MTOR: variants seen among roughly 807,000 people sequenced by gnomAD.
MTOR encodes the protein serine/threonine-protein kinase mTOR.
MTOR carries 70 observed loss-of-function variants against 319.8 expected under a neutral mutation model. That is an observed-to-expected ratio of 0.22 (90% confidence interval 0.18 to 0.27). The LOEUF (loss-of-function observed/expected upper bound fraction) is 0.27, where lower values mean the gene tolerates loss of function less well. MTOR is among the 10% of genes least tolerant of loss of function. The pLI is 1.00. For missense variants in MTOR, 1,890 were observed against 3,274.4 expected (o/e 0.58, Z 10.32); for synonymous variants, 1,183 against 1,211.4 (o/e 0.98, Z 0.49).
chr1:11,111,530 T>C (rs1363038441), intron 54 of MTOR: 2 of 199,280 alleles, frequency 1.0e-5, no homozygotes, highest in Non-Finnish European at 2.0e-5. Flanking sequence ...TCAGGTGAAG[T>C]GATGGTTAGA....
intron 24 of MTOR, among the ~76,000 whole-genome samples, chr1:11,209,910 C>T (rs1646256348): frequency 6.6e-6 from 1 of 152,208 alleles, no homozygotes; most frequent in East Asian, 1.9e-4. Context: ...CTCTGTCTCT[C>T]AGGCTGGAGT....
intron 6 of MTOR, among the ~76,000 whole-genome samples, chr1:11,249,533 G>T (rs1485374736): frequency 6.8e-6 from 1 of 147,672 alleles, no homozygotes; most frequent in African/African-American, 2.5e-5. Context: ...GTGAACAAAG[G>T]TCTCTGGTTT....
chr1:11,231,482 G>C (rs1218439148), intron 16 of MTOR, 48 bp from the exon 17 acceptor site: 1 of 1,605,836 alleles, frequency 6.2e-7, no homozygotes. Context: ...CGAGAGAAAA[G>C]AAAGCATAGT....
chr1:11,121,109 T>C lies in MTOR; in HGVS notation c.6933+137A>G. 8.5e-7 allele frequency: 1 copy of C among 1,174,424 alleles called. No homozygotes were observed. The highest frequency in any genetic ancestry group is 2.9e-4 in the Middle Eastern group (1 of 3,434). The allele number at this position is 1,174,424 out of a possible 1,614,324, so 72.8% of individuals were successfully genotyped here. Reference sequence around the variant, plus strand: ...GTCTTGCTCACCCATTTCATTTTTGTTAGAAAAGTCTGGACACGCTCTACA... The same window carrying C: ...GTCTTGCTCACCCATTTCATTTTTGCTAGAAAAGTCTGGACACGCTCTACA... On this transcript the variant is annotated intron_variant, in intron 49 of 57. Transcript: ENST00000361445. This position sits in a 1 kb window ranked among gnomAD's most constrained non-coding sequence, Gnocchi z 4.9.
chr1:11,223,169 CTTTTTT>C (rs79432739), intron 19 of MTOR, among the ~76,000 whole-genome samples: 2 of 139,148 alleles, frequency 1.4e-5, no homozygotes, highest in Admixed American at 1.5e-4. Context: ...AAATACATGA[CTTTTTT>C]TTTTTTTTTA....
rs754423447 is a variant in MTOR, at chr1:11,114,467, A to T, written c.7165-14T>A. 6.2e-7 allele frequency: 1 copy of T among 1,614,148 alleles called. No homozygotes were observed. The highest frequency in any genetic ancestry group is 8.5e-7 in the Non-Finnish European group (1 of 1,179,988). On this transcript the variant is annotated splice_polypyrimidine_tract_variant and intron_variant, in intron 52 of 57. Coordinates refer to ENST00000361445, the MANE Select transcript of MTOR (RefSeq NM_004958.4). ...CAGGCCTGTAACCTAGAAATGGGAC[A>T]GAGCCACTCACCACAGGAGTTACTA...
intron 6 of MTOR, 146 bp from the exon 7 acceptor site, chr1:11,248,240 G>T: frequency 1.2e-6 from 1 of 862,238 alleles, no homozygotes; most frequent in Non-Finnish European, 1.8e-6. Flanking sequence ...CATGTTTAGG[G>T]TTACAATTTC....
intron 46 of MTOR, among the ~76,000 whole-genome samples, chr1:11,125,938 G>A (rs1266608981): frequency 6.6e-6 from 1 of 151,094 alleles, no homozygotes; most frequent in African/African-American, 2.4e-5. Flanking sequence ...CTACGCGGGA[G>A]GCTGAGACAG....
chr1:11,135,873 G>A (rs1340484594), intron 36 of MTOR, among the ~76,000 whole-genome samples: 3 of 148,120 alleles, frequency 2.0e-5, no homozygotes, highest in African/African-American at 5.0e-5. Flanking sequence ...GGTGGCTCAC[G>A]CCTGTAATCT....
At position 11,139,597 on chromosome 1, in the gene MTOR, C is replaced by T. The variant is rs1446739475; in HGVS notation, c.4934G>A (p.Ser1645Asn). 3 of 1,614,108 alleles carry T rather than the reference C, an allele frequency of 1.9e-6. No homozygotes were observed. The African/African-American group carries it at 4.0e-5, about 22-fold the overall frequency. Residue 1645 changes from serine to asparagine, a missense_variant, in exon 35 of 58, where the codon AGC becomes AAC. By Grantham distance (46) the Ser-to-Asn change is conservative (BLOSUM62 1). Coordinates refer to ENST00000361445, the MANE Select transcript of MTOR (RefSeq NM_004958.4). ...KILMVRSLVV[S>N]PHEDMRTWLK... is the part of the protein sequence containing the mutation. The stretch of plus-strand genomic sequence containing the variant: ...CCAGGTTCTCATGTCTTCATGAGGG[C>T]TGACCACAAGGGACCGCACCATAAG...
intron 28 of MTOR, chr1:11,192,486 T>G (rs564734096): frequency 1.2e-6 from 1 of 841,496 alleles, no homozygotes; most frequent in South Asian, 1.5e-5. Flanking sequence ...CTGGGCGCAG[T>G]GGCTCACACC....
intron 28 of MTOR, among the ~76,000 whole-genome samples, chr1:11,173,046 T>A (rs185024685): frequency 2.0e-4 from 31 of 151,322 alleles, no homozygotes; most frequent in African/African-American, 7.5e-4. Flanking sequence ...CAGGCTGGAG[T>A]GCAATGGCAC....
Position 11,129,343 on chromosome 1 carries a change from T to TGA in MTOR, c.5715-393_5715-392insTC, listed in dbSNP as rs1045246902. ...CAAATGAAGGAGGATGTGGACCTTG[T>TGA]CACCTTTACCCTCTGGGTTAACTGA... On this transcript the variant is annotated intron_variant, in intron 40 of 57. Transcript: ENST00000361445. This position sits in a 1 kb window ranked among gnomAD's most constrained non-coding sequence, Gnocchi z 4.7. 3.3e-5 allele frequency among the ~76,000 whole-genome samples: 5 copies of TGA among 152,264 alleles called. No individual in the cohort carries two copies.
chr1:11,203,396 T>C (rs1296587074), intron 26 of MTOR, among the ~76,000 whole-genome samples: 2 of 152,046 alleles, frequency 1.3e-5, no homozygotes, highest in East Asian at 3.9e-4. Context: ...AAAAAAAATT[T>C]TGGCCAAGTG....
At chr1:11,152,982 G>A (rs1320443674) in intron 30 of MTOR, among the ~76,000 whole-genome samples, 1 of 152,150 alleles carries the variant, frequency 6.6e-6, no homozygotes, top group African/African-American at 2.4e-5. Flanking sequence ...AGAGGTCAGA[G>A]GTATTTGGGA....
chr1:11,137,934 T>C (rs1475609439), intron 36 of MTOR, among the ~76,000 whole-genome samples: 3 of 152,192 alleles, frequency 2.0e-5, no homozygotes, highest in African/African-American at 7.2e-5. Flanking sequence ...TATTAAGTAG[T>C]CAGTTTTCCT....
In MTOR at chr1:11,211,013, G is replaced by A. The variant is rs1284087043; in HGVS notation, c.3562-107C>T. ...CATTATGACCATTTCTTCTGGGTTT[G>A]TGGCTAGCTCTGTGATATTCAAAAG... is the stretch of plus-strand genomic sequence containing the variant. On this transcript the variant is annotated intron_variant, in intron 23 of 57. Coordinates refer to ENST00000361445, the MANE Select transcript of MTOR (RefSeq NM_004958.4). 1.3e-5 allele frequency: 9 copies of A among 673,902 alleles called. No individual in the cohort carries two copies. The Admixed American group carries it at 2.0e-4, about 15-fold the overall frequency. The allele number at this position is 673,902 out of a possible 1,614,324, so 41.7% of individuals were successfully genotyped here.
chr1:11,164,135 G>A (rs1644562419), intron 29 of MTOR, among the ~76,000 whole-genome samples: 1 of 152,020 alleles, frequency 6.6e-6, no homozygotes, highest in African/African-American at 2.4e-5. Context: ...ACGAGGTCAG[G>A]AGATCAAGAC....
At chr1:11,157,101 A>C (rs188544407) in intron 30 of MTOR, 51 bp downstream of exon 30, 2 of 1,521,460 alleles carry the variant, frequency 1.3e-6, no homozygotes, top group Non-Finnish European at 1.8e-6. Flanking sequence ...CCAAAGATCA[A>C]AGAGACGAAG....
Sources: gnomAD v4.1 joint callset for allele counts (sites outside exome capture counted in the v4.1 genomes callset) on GRCh38, gnomAD v4.1.1 for gene constraint, Gnocchi (gnomAD v3.1) non-coding constraint, MANE v1.5 for transcripts, NCBI Gene and HGNC (gene_info 2026-07-23, HGNC 2026-07-21) for gene names.